Variants in TTC17 observed in about 807,000 individuals in gnomAD.
TTC17 encodes the protein tetratricopeptide repeat domain 17.
Under a neutral mutation model 143.8 loss-of-function variants are expected in TTC17, and 58 were observed. The observed-to-expected ratio is 0.40, with a 90% CI of 0.33 to 0.50. The LOEUF (loss-of-function observed/expected upper bound fraction) is 0.50, where lower values mean the gene tolerates loss of function less well. Among genes scored for constraint, TTC17 ranks in the 20% least tolerant of loss-of-function variants. The pLI is 0.49. For synonymous variants in TTC17, 501 were observed against 497.8 expected, an observed-to-expected ratio of 1.01 and a Z score of -0.09; for missense variants, 1,273 against 1,392.5, an observed-to-expected ratio of 0.91 and a Z score of 1.37.
intron 21 of TTC17, among the ~76,000 whole-genome samples, chr11:43,456,512 G>T (rs1356752762): frequency 6.6e-6 from 1 of 152,184 alleles, no homozygotes; most frequent in Non-Finnish European, 1.5e-5. Flanking sequence ...GTCAAGGCAG[G>T]TCAGTGCATT....
At chr11:43,361,146 G>A (rs1015083671) in intron 1 of TTC17, among the ~76,000 whole-genome samples, 23 of 152,198 alleles carry the variant, frequency 1.5e-4, no homozygotes, top group Non-Finnish European at 1.5e-4. Flanking sequence ...TCTGATAGCT[G>A]ATTGTGCATG....
intron 18 of TTC17, among the ~76,000 whole-genome samples, chr11:43,445,383 A>G (rs1017460071): frequency 2.6e-5 from 4 of 152,210 alleles, no homozygotes; most frequent in Admixed American, 2.6e-4. Context: ...CATAGAAACA[A>G]AACTAGCATG....
At chr11:43,411,102 T>C (rs7130404) in intron 15 of TTC17, among the ~76,000 whole-genome samples, 62,458 of 152,036 alleles carry the variant, frequency 0.41, 13,741 homozygotes, top group African/African-American at 0.55. Context: ...AAAATCCCTG[T>C]AGTGGCTCTC....
chr11:43,372,989 T>C (rs1428264974), intron 1 of TTC17, among the ~76,000 whole-genome samples: 1 of 152,184 alleles, frequency 6.6e-6, no homozygotes, highest in Non-Finnish European at 1.5e-5. Context: ...TATATTATTA[T>C]CGTATTTTTG....
intron 1 of TTC17, among the ~76,000 whole-genome samples, chr11:43,372,482 TTTTATTTA>T (rs368350167): frequency 6.0e-4 from 87 of 145,938 alleles, no homozygotes; most frequent in African/African-American, 1.6e-3. Context: ...TATTTTTATT[TTTTATTTA>T]TTTATTTATT....
chr11:43,492,009 T>G lies in TTC17; in HGVS notation c.3151-11T>G. 6.2e-7 allele frequency: 1 copy of G among 1,612,622 alleles called. No individual in the cohort carries two copies. The highest frequency in any genetic ancestry group is 8.5e-7 in the Non-Finnish European group (1 of 1,179,304). On this transcript the variant is annotated splice_polypyrimidine_tract_variant and intron_variant, in intron 22 of 23. Transcript: ENST00000039989. ...AATTTTCCCTTCTCACCATTCTCCT[T>G]CTTCTCCCAGGATGTGCCCCTGATT...
At chr11:43,392,449 G>C (rs1338795782) in intron 5 of TTC17, among the ~76,000 whole-genome samples, 1 of 152,154 alleles carries the variant, frequency 6.6e-6, no homozygotes, top group African/African-American at 2.4e-5. Context: ...CAGGATTAAC[G>C]TGGGCATTTA....
rs193120629 is a variant in TTC17 at position 43,369,742 on chromosome 11, G to A, written c.160-9491G>A. Among the ~76,000 whole-genome samples, 384 of 151,176 alleles carry A rather than the reference G, an allele frequency of 2.5e-3. 1 individual carries two copies. The highest frequency in any genetic ancestry group is 3.9e-3 in the Non-Finnish European group (262 of 67,816). On this transcript the variant is annotated intron_variant, in intron 1 of 23. Coordinates refer to ENST00000039989, the MANE Select transcript of TTC17 (RefSeq NM_018259.6). ...AGTGATTCTTCTGCCTCAGCCTCCCGAGTAGCTGGGACTACAGGCACACGC... is the reference window on the plus strand; with the variant it reads ...AGTGATTCTTCTGCCTCAGCCTCCCAAGTAGCTGGGACTACAGGCACACGC...
chr11:43,377,413 T>C (rs1856803826), intron 1 of TTC17, among the ~76,000 whole-genome samples: 1 of 152,230 alleles, frequency 6.6e-6, no homozygotes, highest in Admixed American at 6.5e-5. Flanking sequence ...ACTCTGATAA[T>C]CTAAGGAGGA....
intron 1 of TTC17, among the ~76,000 whole-genome samples, chr11:43,376,893 C>G (rs35668244): frequency 6.6e-6 from 1 of 152,182 alleles, no homozygotes; most frequent in Admixed American, 6.5e-5. Context: ...ACTGTACAGC[C>G]TACTACACAC....
intron 16 of TTC17, among the ~76,000 whole-genome samples, chr11:43,437,502 G>A (rs565092595): frequency 6.6e-5 from 10 of 152,088 alleles, no homozygotes; most frequent in South Asian, 2.1e-4. Flanking sequence ...CTTTTTGTGC[G>A]TCCAAAGAGT....
At chr11:43,474,792 C>A (rs994583033) in intron 21 of TTC17, among the ~76,000 whole-genome samples, 1 of 152,114 alleles carries the variant, frequency 6.6e-6, no homozygotes, top group Admixed American at 6.5e-5. Context: ...TTGGTTAATA[C>A]ATATTTTATA....
At chr11:43,361,716 C>G (rs1856112942) in intron 1 of TTC17, among the ~76,000 whole-genome samples, 2 of 152,162 alleles carry the variant, frequency 1.3e-5, no homozygotes, top group African/African-American at 2.4e-5. Flanking sequence ...TCCTGACATA[C>G]CAAATTCTTG....
intron 9 of TTC17, among the ~76,000 whole-genome samples, chr11:43,400,517 A>G (rs1270160413): frequency 6.6e-6 from 1 of 152,190 alleles, no homozygotes; most frequent in Non-Finnish European, 1.5e-5. Context: ...AATACAAGCC[A>G]GACCCACCCT....
intron 15 of TTC17, among the ~76,000 whole-genome samples, chr11:43,408,776 C>G (rs899260973): frequency 3.3e-5 from 5 of 151,784 alleles, no homozygotes; most frequent in African/African-American, 7.3e-5. Flanking sequence ...GGTTCTTGCT[C>G]TGTTGCCCAG....
chr11:43,370,985 A>T, intron 1 of TTC17, among the ~76,000 whole-genome samples: 1 of 129,698 alleles, frequency 7.7e-6, no homozygotes, highest in Non-Finnish European at 1.6e-5. Context: ...CTGTTTTTGT[A>T]GAGATGGGGT....
intron 16 of TTC17, among the ~76,000 whole-genome samples, chr11:43,434,568 A>G (rs1947242510): frequency 6.6e-6 from 1 of 152,196 alleles, no homozygotes; most frequent in Non-Finnish European, 1.5e-5. Context: ...GATAAAGTGG[A>G]GGAAAAAATA....
intron 15 of TTC17, among the ~76,000 whole-genome samples, chr11:43,414,031 A>T (rs1946718511): frequency 6.6e-6 from 1 of 152,232 alleles, no homozygotes; most frequent in Non-Finnish European, 1.5e-5. Flanking sequence ...AAGTGGAAAT[A>T]GCCCAACTGC....
In TTC17 at chr11:43,451,275, C is replaced by T. The variant is rs767889967; in HGVS notation, c.3030+10C>T. 6.2e-7 allele frequency: 1 copy of T among 1,611,660 alleles called. No homozygotes were observed. The highest frequency in any genetic ancestry group is 8.5e-7 in the Non-Finnish European group (1 of 1,178,022). ...CAAAGTTTTGGAAAAGGTAAGTCAC[C>T]CCACAGAAAAGCTGGAAACAATTGC... On this transcript the variant is annotated intron_variant, in intron 21 of 23. Transcript: ENST00000039989.
Sources: gnomAD v4.1 joint callset for allele counts (sites outside exome capture counted in the v4.1 genomes callset) on GRCh38, gnomAD v4.1.1 for gene constraint, MANE v1.5 for transcripts, NCBI Gene and HGNC (gene_info 2026-07-23, HGNC 2026-07-21) for gene names.